Variants in PCDHGC4 observed in about 807,000 individuals in gnomAD.
PCDHGC4 encodes protocadherin gamma subfamily C, 4, also known as protocadherin gamma-C4.
A neutral mutation model predicts 59.7 loss-of-function variants in PCDHGC4; 15 were observed. The observed-to-expected ratio is 0.25, with a 90% CI of 0.17 to 0.39. The LOEUF is 0.39. Ranked by LOEUF, PCDHGC4 falls within the 10% of genes least tolerant of loss-of-function variation. The probability of loss-of-function intolerance (pLI) is 1.00; values close to 1 mark genes in which losing one functional copy is unlikely to be tolerated. For missense variants in PCDHGC4, 1,016 were observed against 1,189.5 expected, an observed-to-expected ratio of 0.85 and a Z score of 2.15; for synonymous variants, 434 against 481.4, an observed-to-expected ratio of 0.90 and a Z score of 1.29.
Position 141,485,281 on chromosome 5 carries a change from A to G in PCDHGC4, c.108A>G (p.Pro36=). 4 of 1,614,156 alleles carry G rather than the reference A, an allele frequency of 2.5e-6. No individual in the cohort carries two copies. In the South Asian group the frequency reaches 3.3e-5, roughly 13 times the overall value. Reference sequence around the variant, plus strand: ...GTGGGCAGATCCGCTACCCGGTCCCAGAGGAGTCACAGGAAGGGACTTTTG... The same window carrying G: ...GTGGGCAGATCCGCTACCCGGTCCCGGAGGAGTCACAGGAAGGGACTTTTG... The part of the protein sequence containing the change: ...YVCGQIRYPV[P]EESQEGTFVG... Residue 36 remains proline (P), a synonymous_variant, in exon 1 of 4, where the codon CCA becomes CCG. Coordinates refer to ENST00000306593, the MANE Select transcript of PCDHGC4 (RefSeq NM_018928.3). The surrounding 1 kb of genome is among the most constrained non-coding windows in gnomAD (Gnocchi z 5.7).
intron 2 of PCDHGC4, 106 bp downstream of exon 2, chr5:141,494,971 C>T (rs1244836841): frequency 1.3e-6 from 2 of 1,583,382 alleles, no homozygotes; most frequent in African/African-American, 1.3e-5. Context: ...ATGGCTTCTC[C>T]CTCAGTTTGA....
chr5:141,491,712 G>A lies in PCDHGC4; in HGVS notation c.2443-3095G>A, dbSNP rs932849130. On this transcript the variant is annotated intron_variant, in intron 1 of 3. Coordinates refer to ENST00000306593, the MANE Select transcript of PCDHGC4 (RefSeq NM_018928.3). The surrounding 1 kb of genome is among the most constrained non-coding windows in gnomAD (Gnocchi z 6.9). Reference sequence around the variant, plus strand: ...GGGAGCGGAGCCAGGTGAGGGGCTCGGCGCCGCCCCGGGCGACCCCTGGGG... The same window carrying A: ...GGGAGCGGAGCCAGGTGAGGGGCTCAGCGCCGCCCCGGGCGACCCCTGGGG... The A allele has an allele frequency of 1.2e-6, 2 of 1,609,290 alleles. No homozygotes were observed. Among genetic ancestry groups the A allele is most frequent in the East Asian group, 2.2e-5 (1 of 44,760 alleles).
chr5:141,485,214 G>T lies in PCDHGC4; in HGVS notation c.41G>T (p.Trp14Leu). 6.2e-7 allele frequency: 1 copy of T among 1,614,164 alleles called. No individual in the cohort carries two copies. The highest frequency in any genetic ancestry group is 8.5e-7 in the Non-Finnish European group (1 of 1,179,996). Residue 14 changes from tryptophan (W) to leucine (L), a missense_variant, in exon 1 of 4, where the codon TGG (tryptophan) becomes TTG (leucine). Trp to Leu is a moderately conservative substitution (Grantham distance 61, BLOSUM62 -2). Transcript: ENST00000306593. This position sits in a 1 kb window ranked among gnomAD's most constrained non-coding sequence, Gnocchi z 5.7. ...KVRSWTEIWRWATLLFLFYHL... is the reference protein window; with the variant it reads ...KVRSWTEIWRLATLLFLFYHL... ...AGAAGCTGGACAGAAATCTGGCGGT[G>T]GGCTACCCTTTTGTTCCTCTTTTAC...
chr5:141,493,656 T>C lies in PCDHGC4; in HGVS notation c.2443-1151T>C, dbSNP rs1481871984. Among the ~76,000 whole-genome samples, 1 of 152,184 alleles carries C rather than the reference T, an allele frequency of 6.6e-6. No homozygotes were observed. Among genetic ancestry groups the C allele is most frequent in the African/African-American group, 2.4e-5 (1 of 41,454 alleles). ...CTGAGGGCTGGCCATCCCTGTGCCC[T>C]TCTCCATGGCAGCCCCAGAATGGTG... On this transcript the variant is annotated intron_variant, in intron 1 of 3. Coordinates refer to ENST00000306593, the MANE Select transcript of PCDHGC4 (RefSeq NM_018928.3). The surrounding 1 kb of genome is among the most constrained non-coding windows in gnomAD (Gnocchi z 4.3).
chr5:141,491,080 A>T lies in PCDHGC4; in HGVS notation c.2442+3465A>T. On this transcript the variant is annotated intron_variant, in intron 1 of 3. Transcript: ENST00000306593. This position sits in a 1 kb window ranked among gnomAD's most constrained non-coding sequence, Gnocchi z 6.9. ...CTCCTACTCACTGTTGCCACAGTCC[A>T]CAGCCCCAGGACTGTTCCTCGTGTC... The T allele has an allele frequency of 6.2e-7, 1 of 1,614,116 alleles. No individual in the cohort carries two copies. Among genetic ancestry groups the T allele is most frequent in the Non-Finnish European group, 8.5e-7 (1 of 1,179,994 alleles).
At chr5:141,494,940 AG>A (rs888721888) in intron 2 of PCDHGC4, 75 bp downstream of exon 2, 1 of 1,610,860 alleles carries the variant, frequency 6.2e-7, no homozygotes, top group Non-Finnish European at 8.5e-7. Flanking sequence ...GAGATGGGGG[AG>A]GGCCCAGCAT....
At position 141,486,134 on chromosome 5, in the gene PCDHGC4, C is replaced by T; in HGVS notation, c.961C>T (p.Arg321Trp). 6.2e-7 allele frequency: 1 copy of T among 1,614,168 alleles called. No homozygotes were observed. Reference protein sequence around the residue: ...ESENYYEFDVRARDGGSPAME... With the variant: ...ESENYYEFDVWARDGGSPAME... ...TGAGAATTACTATGAATTTGATGTG[C>T]GGGCTCGCGATGGGGGTTCTCCAGC... Residue 321 changes from arginine to tryptophan, a missense_variant, in exon 1 of 4, where the codon CGG (arginine) becomes TGG (tryptophan). Arg to Trp is a moderately radical substitution (Grantham distance 101). Coordinates refer to ENST00000306593, the MANE Select transcript of PCDHGC4 (RefSeq NM_018928.3). The surrounding 1 kb of genome is among the most constrained non-coding windows in gnomAD (Gnocchi z 5.0).
rs114847835 is a variant in PCDHGC4, at chr5:141,486,500, C to T, written c.1327C>T (p.Leu443Phe). The T allele has an allele frequency of 6.2e-6, 10 of 1,614,008 alleles. No homozygotes were observed. The East Asian group carries it at 1.8e-4, about 29-fold the overall frequency. The change falls in exon 1 of 4, where the codon CTC (leucine) becomes TTC (phenylalanine). Residue 443 changes from leucine to phenylalanine, a missense_variant. Coordinates refer to ENST00000306593, the MANE Select transcript of PCDHGC4 (RefSeq NM_018928.3). This position sits in a 1 kb window ranked among gnomAD's most constrained non-coding sequence, Gnocchi z 5.0. ...PPLSTHRTIF[L>F]NISDVNDNPP... ...TCTCAGTACCCACAGAACTATTTTCCTCAATATTTCAGATGTGAATGATAA... is the reference window on the plus strand; with the variant it reads ...TCTCAGTACCCACAGAACTATTTTCTTCAATATTTCAGATGTGAATGATAA...
intron 1 of PCDHGC4, 115 bp from the exon 2 acceptor site, chr5:141,494,692 C>G: frequency 6.3e-7 from 1 of 1,581,934 alleles, no homozygotes; most frequent in South Asian, 1.1e-5. Context: ...CCTCTTAGTC[C>G]GTTTTCTTCT....
At position 141,489,384 on chromosome 5, in the gene PCDHGC4, T is replaced by G; in HGVS notation, c.2442+1769T>G. The G allele has an allele frequency of 6.2e-7, 1 of 1,613,986 alleles. No individual in the cohort carries two copies. The highest frequency in any genetic ancestry group is 1.3e-5 in the African/African-American group (1 of 75,042). On this transcript the variant is annotated intron_variant, in intron 1 of 3. Transcript: ENST00000306593. This position sits in a 1 kb window ranked among gnomAD's most constrained non-coding sequence, Gnocchi z 4.5. ...AGCCGGGGACGCTGGTGGGGAATGT[T>G]GCTCAGGATCTGGGCTTAAAGATGA...
Position 141,491,670 on chromosome 5 carries a change from C to T in PCDHGC4, c.2443-3137C>T. The T allele has an allele frequency of 2.5e-6, 4 of 1,613,768 alleles. No individual in the cohort carries two copies. Among genetic ancestry groups the T allele is most frequent in the South Asian group, 1.1e-5 (1 of 91,082 alleles). On this transcript the variant is annotated intron_variant, in intron 1 of 3. Coordinates refer to ENST00000306593, the MANE Select transcript of PCDHGC4 (RefSeq NM_018928.3). The surrounding 1 kb of genome is among the most constrained non-coding windows in gnomAD (Gnocchi z 6.9). ...CGCTGGAGCCTGACGCCATCCGGTC[C>T]CGCTCTAATACGCTGCGGGAGCGGA...
rs1375469711 is a variant in PCDHGC4, at chr5:141,512,102, C to A, written c.*929C>A. On this transcript the variant is annotated 3_prime_UTR_variant, in exon 4 of 4. Coordinates refer to ENST00000306593, the MANE Select transcript of PCDHGC4 (RefSeq NM_018928.3). ...GCCATAAACCAATAACTAGGCTGGA[C>A]CCTTCCCACTACATAATAGGGCTCA... The A allele has an allele frequency of 6.5e-6, 1 of 152,688 alleles. No individual in the cohort carries two copies. Among genetic ancestry groups the A allele is most frequent in the Non-Finnish European group, 1.5e-5 (1 of 68,070 alleles). The allele number at this position is 152,688 out of a possible 1,614,324, so 9.5% of individuals were successfully genotyped here. A position where few individuals can be genotyped will look rare whatever the true frequency, so the allele number is the denominator to read the frequency against.
rs1554175372 is a variant in PCDHGC4, at chr5:141,490,827, G to A, written c.2442+3212G>A. ...CCTTTGACTATGAATTGCTGCAGAT[G>A]CTGCAGATTGTGGTGGGGGTTCGAG... On this transcript the variant is annotated intron_variant, in intron 1 of 3. Transcript: ENST00000306593. This position sits in a 1 kb window ranked among gnomAD's most constrained non-coding sequence, Gnocchi z 5.4. 1 of 1,613,744 alleles carries A rather than the reference G, an allele frequency of 6.2e-7. No individual in the cohort carries two copies. Among genetic ancestry groups the A allele is most frequent in the Non-Finnish European group, 8.5e-7 (1 of 1,179,828 alleles).
chr5:141,489,692 G>A lies in PCDHGC4; in HGVS notation c.2442+2077G>A. 1.9e-6 allele frequency: 3 copies of A among 1,614,128 alleles called. No individual in the cohort carries two copies. The highest frequency in any genetic ancestry group is 1.7e-6 in the Non-Finnish European group (2 of 1,179,980). On this transcript the variant is annotated intron_variant, in intron 1 of 3. Coordinates refer to ENST00000306593, the MANE Select transcript of PCDHGC4 (RefSeq NM_018928.3). The surrounding 1 kb of genome is among the most constrained non-coding windows in gnomAD (Gnocchi z 4.5). The stretch of plus-strand genomic sequence containing the variant: ...TCAGAATCAGCAGCATCTGGGGCAC[G>A]ATTCCCACTGGACAGTGCCCAGGAT...
At chr5:141,501,557 G>A (rs192507373) in intron 2 of PCDHGC4, among the ~76,000 whole-genome samples, 1 of 152,124 alleles carries the variant, frequency 6.6e-6, no homozygotes, top group Non-Finnish European at 1.5e-5. Context: ...CATAGGCCCT[G>A]GAATCATATT....
intron 2 of PCDHGC4, among the ~76,000 whole-genome samples, chr5:141,503,091 G>A (rs2099818095): frequency 6.6e-6 from 1 of 151,808 alleles, no homozygotes; most frequent in African/African-American, 2.4e-5. Flanking sequence ...CTGACCTCGT[G>A]GTCTGCCCGC....
intron 3 of PCDHGC4, chr5:141,508,275 T>G (rs1030431371): frequency 6.6e-6 from 1 of 152,138 alleles, no homozygotes. Context: ...ATCCCGGTCC[T>G]TGACCAAGGT....
At chr5:141,500,721 ATG>A (rs1209024560) in intron 2 of PCDHGC4, among the ~76,000 whole-genome samples, 1 of 152,088 alleles carries the variant, frequency 6.6e-6, no homozygotes, top group African/African-American at 2.4e-5. Context: ...GAATTTCCCC[ATG>A]TCTTTCAAAA....
chr5:141,487,404 C>T lies in PCDHGC4; in HGVS notation c.2231C>T (p.Pro744Leu), dbSNP rs771371344. ...AGATCTCGAAGGAGGGAGGGGCTTC[C>T]CCCTTCCAATGGGATCCTCCGAATC... ...LTRSRRREGLPPSNGILRIQL... is the reference protein window; with the variant it reads ...LTRSRRREGLLPSNGILRIQL... The change falls in exon 1 of 4, where the codon CCC becomes CTC. Residue 744 changes from proline (P) to leucine (L), a missense_variant. Transcript: ENST00000306593. The surrounding 1 kb of genome is among the most constrained non-coding windows in gnomAD (Gnocchi z 5.0). 2 of 1,614,178 alleles carry T rather than the reference C, an allele frequency of 1.2e-6. No homozygotes were observed. Among genetic ancestry groups the T allele is most frequent in the Non-Finnish European group, 8.5e-7 (1 of 1,180,032 alleles).
Sources: gnomAD v4.1 joint callset for allele counts (sites outside exome capture counted in the v4.1 genomes callset) on GRCh38, gnomAD v4.1.1 for gene constraint, Gnocchi (gnomAD v3.1) non-coding constraint, MANE v1.5 for transcripts, NCBI Gene and HGNC (gene_info 2026-07-23, HGNC 2026-07-21) for gene names.